The following HSD17B4 variants were observed in gnomAD, a reference collection of about 807,000 sequenced individuals.
HSD17B4 encodes hydroxysteroid 17-beta dehydrogenase 4.
In HSD17B4, 70 loss-of-function variants were observed where a neutral mutation model predicts 101.0. The ratio of observed to expected loss-of-function variants is 0.69; its 90% CI spans 0.57 to 0.85. The LOEUF is 0.85. Ranked by LOEUF, HSD17B4 falls within the 40% of genes least tolerant of loss-of-function variation. HSD17B4 has a pLI of 0.00. For synonymous variants in HSD17B4, 347 were observed against 297.1 expected (o/e 1.17, Z -1.73); for missense variants, 984 against 892.4 (o/e 1.10, Z -1.31).
intron 22 of HSD17B4, 143 bp from the exon 23 acceptor site, chr5:119,536,280 A>G (rs1339030406): frequency 1.3e-6 from 1 of 754,696 alleles, no homozygotes; most frequent in Admixed American, 2.3e-5. Flanking sequence ...CAGATAATGT[A>G]TAATTGATAG....
chr5:119,484,696 T>C (rs561782496), intron 8 of HSD17B4, among the ~76,000 whole-genome samples: 1 of 152,306 alleles, frequency 6.6e-6, no homozygotes, highest in East Asian at 1.9e-4. Context: ...GTACCATATA[T>C]TTTCCACATT....
intron 8 of HSD17B4, among the ~76,000 whole-genome samples, chr5:119,487,965 T>C (rs955288582): frequency 6.6e-6 from 1 of 152,168 alleles, no homozygotes; most frequent in African/African-American, 2.4e-5. Flanking sequence ...TGAGAGCTTT[T>C]AGAGGCTATA....
At chr5:119,531,873 A>T (rs1580713193) in intron 22 of HSD17B4, among the ~76,000 whole-genome samples, 1 of 152,178 alleles carries the variant, frequency 6.6e-6, no homozygotes, top group South Asian at 2.1e-4. Context: ...TTCTAGATAT[A>T]TACAGATTAT....
At chr5:119,497,040 C>T (rs957524570) in intron 12 of HSD17B4, among the ~76,000 whole-genome samples, 12 of 152,140 alleles carry the variant, frequency 7.9e-5, no homozygotes, top group Admixed American at 2.6e-4. Context: ...GAGATCAGAG[C>T]GATTGGGTAT....
At chr5:119,463,247 A>G (rs1002469759) in intron 2 of HSD17B4, among the ~76,000 whole-genome samples, 8 of 152,114 alleles carry the variant, frequency 5.3e-5, no homozygotes, top group African/African-American at 1.9e-4. Context: ...TTCTTTATCC[A>G]TGCATCTGTT....
intron 2 of HSD17B4, 143 bp from the exon 3 acceptor site, chr5:119,473,765 G>T: frequency 1.4e-6 from 1 of 690,760 alleles, no homozygotes; most frequent in Non-Finnish European, 2.7e-6. Context: ...GTTGTGTTTA[G>T]TAAGATGGGA....
intron 15 of HSD17B4, among the ~76,000 whole-genome samples, chr5:119,508,513 C>T (rs2126812052): frequency 6.6e-6 from 1 of 152,330 alleles, no homozygotes; most frequent in Middle Eastern, 3.4e-3. Context: ...AGATAATAAT[C>T]TGTCCCTAGT....
intron 14 of HSD17B4, among the ~76,000 whole-genome samples, chr5:119,504,197 T>C (rs1466472820): frequency 1.3e-5 from 2 of 152,194 alleles, no homozygotes; most frequent in African/African-American, 4.8e-5. Flanking sequence ...GGCACCTAGA[T>C]TGATTCCATG....
At chr5:119,481,918 T>G (rs186712158) in intron 8 of HSD17B4, among the ~76,000 whole-genome samples, 25 of 152,170 alleles carry the variant, frequency 1.6e-4, no homozygotes, top group African/African-American at 6.0e-4. Flanking sequence ...GCATTTTTTT[T>G]CCCCCTCTGT....
intron 2 of HSD17B4, among the ~76,000 whole-genome samples, chr5:119,458,467 A>C (rs1754895087): frequency 1.3e-5 from 2 of 150,210 alleles, no homozygotes; most frequent in Admixed American, 6.6e-5. Context: ...TTAGCCTCCC[A>C]AGTAGCTGGG....
intron 2 of HSD17B4, among the ~76,000 whole-genome samples, chr5:119,461,147 A>G (rs969633941): frequency 2.0e-5 from 3 of 152,204 alleles, no homozygotes; most frequent in African/African-American, 7.2e-5. Flanking sequence ...AGTAATATTG[A>G]TGCTCAGATA....
intron 15 of HSD17B4, 137 bp from the exon 16 acceptor site, chr5:119,509,004 C>A (rs1561471853): frequency 3.0e-6 from 2 of 657,298 alleles, no homozygotes; most frequent in Non-Finnish European, 2.7e-6. Flanking sequence ...AACTTGGACA[C>A]CTTTACATGT....
At chr5:119,459,426 G>T (rs937462126) in intron 2 of HSD17B4, among the ~76,000 whole-genome samples, 1 of 152,194 alleles carries the variant, frequency 6.6e-6, no homozygotes, top group African/African-American at 2.4e-5. Context: ...AGGTCTTGTT[G>T]ACTGAGGTCT....
At chr5:119,502,243 T>C (rs1341884023) in intron 14 of HSD17B4, 151 bp downstream of exon 14, 1 of 623,846 alleles carries the variant, frequency 1.6e-6, no homozygotes, top group Non-Finnish European at 2.9e-6. Flanking sequence ...AGTAGACTGA[T>C]GTTAACTAGT....
At chr5:119,473,301 T>C (rs1336509822) in intron 2 of HSD17B4, among the ~76,000 whole-genome samples, 2 of 135,444 alleles carry the variant, frequency 1.5e-5, no homozygotes, top group African/African-American at 5.5e-5. Flanking sequence ...TTTTTTACTT[T>C]TCTTCCCTGC....
intron 9 of HSD17B4, among the ~76,000 whole-genome samples, chr5:119,491,026 A>G (rs1437841350): frequency 6.6e-6 from 1 of 152,198 alleles, no homozygotes; most frequent in Non-Finnish European, 1.5e-5. Flanking sequence ...GCTGTGCATA[A>G]TATCCTGACT....
chr5:119,476,257 G>A (rs1452421418), intron 6 of HSD17B4, among the ~76,000 whole-genome samples: 1 of 152,120 alleles, frequency 6.6e-6, no homozygotes, highest in Non-Finnish European at 1.5e-5. Flanking sequence ...AGGGAGTCTA[G>A]TGCACTAAAA....
chr5:119,523,490 A>C (rs930848012), intron 17 of HSD17B4, among the ~76,000 whole-genome samples: 6 of 152,116 alleles, frequency 3.9e-5, no homozygotes, highest in African/African-American at 1.4e-4. Context: ...TTGTGTTATG[A>C]TTGAATGGGT....
chr5:119,498,463 T>G (rs1750848728), intron 12 of HSD17B4, among the ~76,000 whole-genome samples: 1 of 152,242 alleles, frequency 6.6e-6, no homozygotes, highest in Non-Finnish European at 1.5e-5. Flanking sequence ...AATTGGACAT[T>G]ATTCTTTTAT....
Sources: allele counts gnomAD v4.1 joint callset (sites outside exome capture counted in the v4.1 genomes callset), GRCh38; gene constraint gnomAD v4.1.1; transcripts MANE v1.5; gene names NCBI Gene and HGNC (gene_info 2026-07-23, HGNC 2026-07-21).